Variants in RBM47 observed in about 807,000 individuals in gnomAD.
RBM47 encodes the protein RNA-binding protein 47.
Under a neutral mutation model 47.1 loss-of-function variants are expected in RBM47, and 21 were observed. The ratio of observed to expected loss-of-function variants is 0.45; its 90% CI spans 0.32 to 0.64. The LOEUF (loss-of-function observed/expected upper bound fraction) is 0.64. Among genes scored for constraint, RBM47 ranks in the 30% least tolerant of loss-of-function variants. The pLI, the probability that RBM47 is intolerant of heterozygous loss-of-function variation, is 0.05. For missense variants in RBM47, 708 were observed against 870.9 expected (o/e 0.81, Z 2.35); for synonymous variants, 375 against 361.7 (o/e 1.04, Z -0.42).
chr4:40,445,040 C>T (rs562001308), intron 3 of RBM47, among the ~76,000 whole-genome samples: 24 of 151,794 alleles, frequency 1.6e-4, no homozygotes, highest in Middle Eastern at 3.4e-3. Flanking sequence ...TTTGGGAGGC[C>T]GAGGAGGGCG....
At chr4:40,568,296 C>T (rs111783208) in intron 1 of RBM47, among the ~76,000 whole-genome samples, 3,397 of 151,358 alleles carry the variant, frequency 0.022, 106 homozygotes, top group African/African-American at 0.064. Context: ...GGCATGGCGG[C>T]GCAGTGCCTC....
intron 2 of RBM47, among the ~76,000 whole-genome samples, chr4:40,519,336 T>C (rs1725945946): frequency 6.6e-6 from 1 of 150,604 alleles, no homozygotes; most frequent in East Asian, 1.9e-4. Flanking sequence ...TCACTCTTGT[T>C]GCCCAGGCTG....
At chr4:40,567,410 A>G (rs1266768853) in intron 1 of RBM47, among the ~76,000 whole-genome samples, 2 of 152,088 alleles carry the variant, frequency 1.3e-5, no homozygotes, top group Admixed American at 1.3e-4. Flanking sequence ...AAAAGATTCT[A>G]TAATTATGAC....
chr4:40,627,516 T>C (rs1354457563), intron 1 of RBM47, among the ~76,000 whole-genome samples: 1 of 152,224 alleles, frequency 6.6e-6, no homozygotes, highest in Non-Finnish European at 1.5e-5. Flanking sequence ...TGCTTTTCTA[T>C]AGCAATGAAA....
chr4:40,540,651 AAATAAT>A (rs199604091), intron 2 of RBM47, among the ~76,000 whole-genome samples: 10,257 of 116,828 alleles, frequency 0.088, 708 homozygotes, highest in African/African-American at 0.22. Flanking sequence ...AAAAAAAAAA[AAATAAT>A]AATAATAATA....
At chr4:40,491,107 G>A (rs567497687) in intron 2 of RBM47, among the ~76,000 whole-genome samples, 1 of 152,210 alleles carries the variant, frequency 6.6e-6, no homozygotes, top group South Asian at 2.1e-4. Flanking sequence ...GGGCAGCGTG[G>A]TACTGGCATA....
chr4:40,521,086 GT>G (rs1432848828), intron 2 of RBM47, among the ~76,000 whole-genome samples: 1 of 152,182 alleles, frequency 6.6e-6, no homozygotes, highest in Non-Finnish European at 1.5e-5. Flanking sequence ...GGCATTTGAA[GT>G]TGTTCTACCT....
At chr4:40,624,024 G>A (rs904182462) in intron 1 of RBM47, among the ~76,000 whole-genome samples, 1 of 152,062 alleles carries the variant, frequency 6.6e-6, no homozygotes, top group Admixed American at 6.6e-5. Flanking sequence ...GCTAATTTTT[G>A]TATTTTTTGT....
intron 1 of RBM47, among the ~76,000 whole-genome samples, chr4:40,545,244 G>T (rs1450032164): frequency 1.3e-5 from 2 of 150,572 alleles, no homozygotes; most frequent in Non-Finnish European, 3.0e-5. Flanking sequence ...GTAGAGACGG[G>T]GTTTCACCAT....
chr4:40,537,320 T>C (rs1728082828), intron 2 of RBM47, among the ~76,000 whole-genome samples: 1 of 151,848 alleles, frequency 6.6e-6, no homozygotes, highest in African/African-American at 2.4e-5. Flanking sequence ...TCTCCAAGAC[T>C]GGAGTGTGGT....
In RBM47 at chr4:40,425,997, G is replaced by GGCCGCGGCT. The variant is rs769054429; in HGVS notation, c.1680_1688dup (p.Ala562_Ala564dup). 143 of 1,613,954 alleles carry GGCCGCGGCT rather than the reference G, an allele frequency of 8.9e-5. No individual in the cohort carries two copies. In the African/African-American group the frequency reaches 1.8e-3, roughly 20 times the overall value. Reference sequence around the variant, plus strand: ...AGCCTGCGTATCCTCCATACATGGCGGCCGCGGCTGCCGCGTTCTTCTGTA... The same window carrying GGCCGCGGCT: ...AGCCTGCGTATCCTCCATACATGGCGGCCGCGGCTGCCGCGGCTGCCGCGTTCTTCTGTA... On this transcript the variant is annotated inframe_insertion, in exon 7 of 7. Coordinates refer to ENST00000295971, the MANE Select transcript of RBM47 (RefSeq NM_001098634.2).
Position 40,626,941 on chromosome 4 carries a change from G to T in RBM47, c.-240+2455C>A, listed in dbSNP as rs1737798730. On this transcript the variant is annotated intron_variant, in intron 1 of 6. Coordinates refer to ENST00000295971, the MANE Select transcript of RBM47 (RefSeq NM_001098634.2). The stretch of plus-strand genomic sequence containing the variant: ...TCATTTCTATGACAATTCTCTGAAG[G>T]CTCCAAAGGCCTCCTATCTTGAAAC... 4.6e-5 allele frequency among the ~76,000 whole-genome samples: 7 copies of T among 152,248 alleles called. No homozygotes were observed. The South Asian group carries it at 1.2e-3, about 27-fold the overall frequency.
intron 1 of RBM47, among the ~76,000 whole-genome samples, chr4:40,548,048 C>A (rs1729189433): frequency 6.6e-6 from 1 of 152,148 alleles, no homozygotes; most frequent in South Asian, 2.1e-4. Flanking sequence ...CAGGAGGGTA[C>A]AGATTAGTGG....
rs550463878 is a variant in RBM47, at chr4:40,594,548, C to T, written c.-240+34848G>A. Among the ~76,000 whole-genome samples the T allele has an allele frequency of 5.9e-5, 9 of 152,240 alleles. No homozygotes were observed. In the East Asian group the frequency reaches 1.7e-3, roughly 29 times the overall value. On this transcript the variant is annotated intron_variant, in intron 1 of 6. Coordinates refer to ENST00000295971, the MANE Select transcript of RBM47 (RefSeq NM_001098634.2). Reference sequence around the variant, plus strand: ...ACATTCAAGGCCTCGCCTAACCGGACCTCAACCCTATATTCTCTTCTCTCC... The same window carrying T: ...ACATTCAAGGCCTCGCCTAACCGGATCTCAACCCTATATTCTCTTCTCTCC...
intron 1 of RBM47, among the ~76,000 whole-genome samples, chr4:40,607,024 G>A (rs1735824446): frequency 6.6e-6 from 1 of 152,018 alleles, no homozygotes; most frequent in Admixed American, 6.6e-5. Flanking sequence ...AAAATGATGT[G>A]TTTTATCTTC....
intron 1 of RBM47, among the ~76,000 whole-genome samples, chr4:40,603,033 T>A (rs555217144): frequency 6.9e-4 from 105 of 151,878 alleles, no homozygotes; most frequent in Middle Eastern, 6.8e-3. Context: ...TAAAAAAAAA[T>A]TTTTTTTGAA....
chr4:40,492,943 C>A (rs1722086041), intron 2 of RBM47, among the ~76,000 whole-genome samples: 1 of 152,186 alleles, frequency 6.6e-6, no homozygotes, highest in South Asian at 2.1e-4. Context: ...TCCCCTCCTC[C>A]ATCACCCTCA....
At chr4:40,482,483 A>C (rs1577749600) in intron 2 of RBM47, among the ~76,000 whole-genome samples, 1 of 151,960 alleles carries the variant, frequency 6.6e-6, no homozygotes, top group South Asian at 2.1e-4. Context: ...TGAACTCCTG[A>C]CCTCAGGTAA....
At position 40,628,531 on chromosome 4, in the gene RBM47, T is replaced by C. The variant is rs972249774; in HGVS notation, c.-240+865A>G. On this transcript the variant is annotated intron_variant, in intron 1 of 6. Transcript: ENST00000295971. The surrounding 1 kb of genome is among the most constrained non-coding windows in gnomAD (Gnocchi z 4.0). ...TCAAAACTTCGGCAACTCCTTCATG[T>C]TGGGTTGTCAACCCTTTGCTTTCCC... 2.2e-4 allele frequency among the ~76,000 whole-genome samples: 33 copies of C among 152,256 alleles called. No homozygotes were observed. Among genetic ancestry groups the C allele is most frequent in the Non-Finnish European group, 3.2e-4 (22 of 68,036 alleles).
Sources: allele counts gnomAD v4.1 joint callset (sites outside exome capture counted in the v4.1 genomes callset), GRCh38; gene constraint gnomAD v4.1.1; non-coding constraint Gnocchi (gnomAD v3.1); transcripts MANE v1.5; gene names NCBI Gene and HGNC (gene_info 2026-07-23, HGNC 2026-07-21).